ADAMTS2: variants seen among roughly 807,000 people sequenced by gnomAD.
ADAMTS2 encodes ADAM metallopeptidase with thrombospondin type 1 motif 2, also known as A disintegrin and metalloproteinase with thrombospondin motifs 2.
Under a neutral mutation model 123.0 loss-of-function variants are expected in ADAMTS2, and 50 were observed. The ratio of observed to expected loss-of-function variants is 0.41; its 90% CI spans 0.32 to 0.51. ADAMTS2 has a LOEUF of 0.51. Ranked by LOEUF, ADAMTS2 falls within the 20% of genes least tolerant of loss-of-function variation. The pLI, the probability that ADAMTS2 is intolerant of heterozygous loss-of-function variation, is 0.35. For missense variants in ADAMTS2, 1,494 were observed against 1,705.2 expected (o/e 0.88, Z 2.18); for synonymous variants, 678 against 695.4 (o/e 0.98, Z 0.39).
At chr5:179,302,044 C>T (rs1756534490) in intron 2 of ADAMTS2, among the ~76,000 whole-genome samples, 1 of 152,182 alleles carries the variant, frequency 6.6e-6, no homozygotes, top group African/African-American at 2.4e-5. Context: ...CCAGTCCTGG[C>T]CCAGCACAGC....
At chr5:179,238,663 G>A (rs551946564) in intron 3 of ADAMTS2, among the ~76,000 whole-genome samples, 1 of 152,268 alleles carries the variant, frequency 6.6e-6, no homozygotes, top group East Asian at 1.9e-4. Context: ...AGGGCAAGGA[G>A]GCCCAGGATG....
At chr5:179,337,553 G>C (rs776271625) in intron 2 of ADAMTS2, among the ~76,000 whole-genome samples, 6 of 152,228 alleles carry the variant, frequency 3.9e-5, no homozygotes, top group Non-Finnish European at 5.9e-5. Flanking sequence ...CCAGCCTGCT[G>C]TGCCGGCAGC....
intron 3 of ADAMTS2, among the ~76,000 whole-genome samples, chr5:179,233,472 G>C (rs1047679377): frequency 3.9e-5 from 6 of 152,168 alleles, no homozygotes; most frequent in African/African-American, 1.4e-4. Flanking sequence ...TGGATCACGA[G>C]GTCAGGAGTT....
At chr5:179,147,128 G>A (rs528088589) in intron 10 of ADAMTS2, among the ~76,000 whole-genome samples, 53 of 152,148 alleles carry the variant, frequency 3.5e-4, no homozygotes, top group African/African-American at 1.2e-3. Context: ...TCACTCTGTC[G>A]TCCAGGCTGG....
chr5:179,168,413 G>C (rs549105064), intron 5 of ADAMTS2, among the ~76,000 whole-genome samples: 1 of 152,172 alleles, frequency 6.6e-6, no homozygotes, highest in Non-Finnish European at 1.5e-5. Flanking sequence ...CTCCACCAGC[G>C]TGTGGCCCCG....
chr5:179,224,331 G>T (rs552197781), intron 3 of ADAMTS2, among the ~76,000 whole-genome samples: 1 of 152,172 alleles, frequency 6.6e-6, no homozygotes, highest in South Asian at 2.1e-4. Context: ...CCGGCCGCAG[G>T]CCTCACACCA....
At position 179,294,487 on chromosome 5, in the gene ADAMTS2, G is replaced by A. The variant is rs114830435; in HGVS notation, c.535-21423C>T. Among the ~76,000 whole-genome samples the A allele has an allele frequency of 4.3e-3, 650 of 152,324 alleles. 7 individuals carry two copies. The highest frequency in any genetic ancestry group is 0.013 in the African/African-American group (561 of 41,570). On this transcript the variant is annotated intron_variant, in intron 2 of 21. Transcript: ENST00000251582. The stretch of plus-strand genomic sequence containing the variant: ...CCCTAGGGGGTGCCAGGATCAACCC[G>A]ACCCAGGGATGCTGAGCACCCATGC...
intron 2 of ADAMTS2, among the ~76,000 whole-genome samples, chr5:179,294,159 G>A (rs1260073980): frequency 5.9e-5 from 9 of 152,084 alleles, no homozygotes; most frequent in African/African-American, 2.2e-4. Context: ...GGGAGGCTGA[G>A]GTGGGAGAAT....
intron 2 of ADAMTS2, among the ~76,000 whole-genome samples, chr5:179,340,636 G>A (rs1006961254): frequency 7.2e-5 from 11 of 152,122 alleles, no homozygotes; most frequent in African/African-American, 1.7e-4. Context: ...AAGCTATCTC[G>A]ACTTTTGGAG....
intron 3 of ADAMTS2, among the ~76,000 whole-genome samples, chr5:179,224,228 G>A (rs868281155): frequency 9.2e-5 from 14 of 152,286 alleles, no homozygotes; most frequent in Middle Eastern, 6.8e-3. Flanking sequence ...GTGGGTGCAC[G>A]CTACCACCGT....
chr5:179,127,245 G>A (rs1397059951), intron 17 of ADAMTS2, among the ~76,000 whole-genome samples: 2 of 152,204 alleles, frequency 1.3e-5, no homozygotes, highest in East Asian at 3.9e-4. Context: ...TGGATGCGCT[G>A]ATGAAATCCA....
At position 179,132,946 on chromosome 5, in the gene ADAMTS2, G is replaced by A. The variant is rs768019442; in HGVS notation, c.2086-46C>T. ...GAGCACTTGAGACGTCCTGCTAGTA[G>A]AGTCAGGGTCATACTATGTTGCCCC... On this transcript the variant is annotated intron_variant, in intron 13 of 21. Coordinates refer to ENST00000251582, the MANE Select transcript of ADAMTS2 (RefSeq NM_014244.5). This position sits in a 1 kb window ranked among gnomAD's most constrained non-coding sequence, Gnocchi z 6.1. 1.9e-6 allele frequency: 3 copies of A among 1,601,934 alleles called. No individual in the cohort carries two copies. In the East Asian group the frequency reaches 6.8e-5, roughly 36 times the overall value.
chr5:179,137,368 G>A (rs989700417), intron 12 of ADAMTS2, among the ~76,000 whole-genome samples: 2 of 152,238 alleles, frequency 1.3e-5, no homozygotes, highest in East Asian at 1.9e-4. Flanking sequence ...TCTGACACTC[G>A]CAACTGAGAG....
intron 3 of ADAMTS2, among the ~76,000 whole-genome samples, chr5:179,208,034 G>C (rs1333391510): frequency 6.7e-6 from 1 of 148,426 alleles, no homozygotes; most frequent in Non-Finnish European, 1.5e-5. Context: ...GACTGTGAGA[G>C]ACCCAGCCCA....
chr5:179,223,527 C>CATGCACTCACACACGA (rs140403370), intron 3 of ADAMTS2, among the ~76,000 whole-genome samples: 78,735 of 146,608 alleles, frequency 0.54, 21,592 homozygotes, highest in East Asian at 0.95. Context: ...CACTCACACA[C>CATGCACTCACACACGA]ATGCACTCAC....
rs905742445 is a variant in ADAMTS2 at position 179,128,549 on chromosome 5, C to T, written c.2458-431G>A. Among the ~76,000 whole-genome samples, 5 of 152,044 alleles carry T rather than the reference C, an allele frequency of 3.3e-5. No homozygotes were observed. The East Asian group carries it at 7.7e-4, about 24-fold the overall frequency. ...CTGGGATTACAGGCGCCCGCCACCA[C>T]GCCTGGCTAATTTTTGTATTTTTAG... On this transcript the variant is annotated intron_variant, in intron 16 of 21. Transcript: ENST00000251582. This position sits in a 1 kb window ranked among gnomAD's most constrained non-coding sequence, Gnocchi z 4.9.
chr5:179,139,946 G>A lies in ADAMTS2; in HGVS notation c.1719C>T (p.Cys573=). 6.2e-7 allele frequency: 1 copy of A among 1,613,568 alleles called. No homozygotes were observed. Among genetic ancestry groups the A allele is most frequent in the Non-Finnish European group, 8.5e-7 (1 of 1,180,018 alleles). Residue 573 remains cysteine, a synonymous_variant, in exon 11 of 22, where the codon TGC becomes TGT. Transcript: ENST00000251582. ...SWGAWSPFGS[C]SRTCGTGVKF... ...TCACGCCCGTGCCACAGGTACGTGA[G>A]CAGGAGCCAAACGGACTCCAAGCGC...
rs896586447 is a variant in ADAMTS2 at position 179,303,229 on chromosome 5, G to T, written c.535-30165C>A. Among the ~76,000 whole-genome samples the T allele has an allele frequency of 5.3e-5, 8 of 152,152 alleles. No homozygotes were observed. Among genetic ancestry groups the T allele is most frequent in the Admixed American group, 3.3e-4 (5 of 15,280 alleles). On this transcript the variant is annotated intron_variant, in intron 2 of 21. Transcript: ENST00000251582. This position sits in a 1 kb window ranked among gnomAD's most constrained non-coding sequence, Gnocchi z 4.7. Reference sequence around the variant, plus strand: ...GTTCAGCAGGGATCTGCCTATGGCTGTATTTCTGCTGGTAGAAGTCCCTCC... The same window carrying T: ...GTTCAGCAGGGATCTGCCTATGGCTTTATTTCTGCTGGTAGAAGTCCCTCC...
chr5:179,151,008 T>C, intron 10 of ADAMTS2: 1 of 200,262 alleles, frequency 5.0e-6, no homozygotes, highest in Non-Finnish European at 1.1e-5. Flanking sequence ...ACGATTTTCA[T>C]GCCTCAGCCT....
Sources: gnomAD v4.1 joint callset for allele counts (sites outside exome capture counted in the v4.1 genomes callset) on GRCh38, gnomAD v4.1.1 for gene constraint, Gnocchi (gnomAD v3.1) non-coding constraint, MANE v1.5 for transcripts, NCBI Gene and HGNC (gene_info 2026-07-23, HGNC 2026-07-21) for gene names.